The following ADAMTSL1 variants were observed in gnomAD, a reference collection of about 807,000 sequenced individuals.
The protein encoded by ADAMTSL1 is ADAMTS like 1.
In ADAMTSL1, 126 loss-of-function variants were observed where a neutral mutation model predicts 201.8. The observed-to-expected ratio is 0.62, with a 90% CI of 0.54 to 0.72. The LOEUF is 0.72. Ranked by LOEUF, ADAMTSL1 falls within the 30% of genes least tolerant of loss-of-function variation. The probability of loss-of-function intolerance (pLI) is 0.00; values close to 1 mark genes in which losing one functional copy is unlikely to be tolerated. For missense variants in ADAMTSL1, 2,679 were observed against 2,277.8 expected, an observed-to-expected ratio of 1.18 and a Z score of -3.59; for synonymous variants, 1,121 against 903.4, an observed-to-expected ratio of 1.24 and a Z score of -4.32.
At chr9:18,558,453 A>C (rs1395131441) in intron 3 of ADAMTSL1, among the ~76,000 whole-genome samples, 1 of 152,200 alleles carries the variant, frequency 6.6e-6, no homozygotes, top group Non-Finnish European at 1.5e-5. Flanking sequence ...TCTTGTGAAC[A>C]GTGCTGGAAT....
chr9:18,773,462 A>G (rs1422065992), intron 17 of ADAMTSL1, among the ~76,000 whole-genome samples: 1 of 152,238 alleles, frequency 6.6e-6, no homozygotes, highest in Non-Finnish European at 1.5e-5. Flanking sequence ...CCTATAGCCT[A>G]ATTACTTTGT....
At chr9:18,419,635 A>C (rs978323551) in intron 2 of ADAMTSL1, among the ~76,000 whole-genome samples, 5 of 152,200 alleles carry the variant, frequency 3.3e-5, no homozygotes, top group South Asian at 4.1e-4. Flanking sequence ...ACTGCTAGAC[A>C]CACTACATGT....
chr9:18,184,260 G>A (rs1033259697), intron 2 of ADAMTSL1, among the ~76,000 whole-genome samples: 1 of 152,180 alleles, frequency 6.6e-6, no homozygotes, highest in South Asian at 2.1e-4. Context: ...TATAACCTCT[G>A]CCTCGTGTAC....
At chr9:18,728,837 T>A (rs1371270563) in intron 15 of ADAMTSL1, among the ~76,000 whole-genome samples, 1 of 152,160 alleles carries the variant, frequency 6.6e-6, no homozygotes, top group East Asian at 1.9e-4. Flanking sequence ...CAAGTTAAGT[T>A]GTTTAGACTT....
At chr9:18,534,281 C>G (rs914969124) in intron 3 of ADAMTSL1, among the ~76,000 whole-genome samples, 1 of 152,064 alleles carries the variant, frequency 6.6e-6, no homozygotes, top group Non-Finnish European at 1.5e-5. Flanking sequence ...GTAGTCACAG[C>G]TACTCACGAG....
At position 18,889,735 on chromosome 9, in the gene ADAMTSL1, G is replaced by T; in HGVS notation, c.4630G>T (p.Asp1544Tyr). Residue 1544 changes from aspartate (D) to tyrosine (Y), a missense_variant, in exon 25 of 29, where the codon GAC (aspartate) becomes TAC (tyrosine). Physicochemically the swap from Asp to Tyr is radical, Grantham distance 160. Coordinates refer to ENST00000380548, the MANE Select transcript of ADAMTSL1 (RefSeq NM_001040272.6). Reference sequence around the variant, plus strand: ...GCAGCCCATCGCGTGCAACCGGAGAGACTGCCCTTCTCGGTGAGTGCAGCG... The same window carrying T: ...GCAGCCCATCGCGTGCAACCGGAGATACTGCCCTTCTCGGTGAGTGCAGCG... The part of the protein sequence containing the change: ...AVQPIACNRR[D>Y]CPSRWMVTSW... The T allele has an allele frequency of 1.3e-6, 2 of 1,507,718 alleles. No homozygotes were observed. 93.4% of individuals were successfully genotyped at this position (1,507,718 alleles called of 1,614,324 possible).
At chr9:18,110,906 A>G (rs1824979373) in intron 1 of ADAMTSL1, among the ~76,000 whole-genome samples, 1 of 152,172 alleles carries the variant, frequency 6.6e-6, no homozygotes, top group Non-Finnish European at 1.5e-5. Flanking sequence ...CGGGAACATT[A>G]TTAGTTTTTG....
In ADAMTSL1 at chr9:18,031,955, A is replaced by G. The variant is rs542612264; in HGVS notation, c.87+125033A>G. Among the ~76,000 whole-genome samples the G allele has an allele frequency of 1.2e-4, 19 of 152,314 alleles. No individual in the cohort carries two copies. In the South Asian group the frequency reaches 3.7e-3, roughly 30 times the overall value. ...GATGTGAAATTGGTATGGTGCCCAC[A>G]GCCCAGGGATTTTAGTCCAGCTGAT... On this transcript the variant is annotated intron_variant, in intron 1 of 29. Coordinates refer to the ADAMTSL1 transcript ENST00000680146.
chr9:18,392,603 C>G (rs1232344746), intron 2 of ADAMTSL1, among the ~76,000 whole-genome samples: 1 of 152,160 alleles, frequency 6.6e-6, no homozygotes, highest in Non-Finnish European at 1.5e-5. Context: ...ACATCCTTTC[C>G]AGGCTACCTG....
At chr9:18,449,918 C>T (rs977162962) in intron 2 of ADAMTSL1, among the ~76,000 whole-genome samples, 4 of 152,146 alleles carry the variant, frequency 2.6e-5, no homozygotes, top group Non-Finnish European at 5.9e-5. Flanking sequence ...TCTGACATGG[C>T]AGTGAGAATG....
intron 1 of ADAMTSL1, among the ~76,000 whole-genome samples, chr9:17,971,400 A>T (rs535712077): frequency 1.3e-5 from 2 of 152,202 alleles, no homozygotes; most frequent in African/African-American, 4.8e-5. Context: ...AAGTGCCTAA[A>T]AACTATCAAT....
chr9:18,624,433 G>C (rs1469897068), intron 5 of ADAMTSL1, among the ~76,000 whole-genome samples: 1 of 152,144 alleles, frequency 6.6e-6, no homozygotes, highest in Non-Finnish European at 1.5e-5. Flanking sequence ...ACTCTTCATG[G>C]AATGCTAAAA....
chr9:18,161,395 T>C (rs1332882629), intron 1 of ADAMTSL1, among the ~76,000 whole-genome samples: 3 of 152,086 alleles, frequency 2.0e-5, no homozygotes, highest in East Asian at 1.9e-4. Flanking sequence ...CTTTTAAGAA[T>C]TGGCATCGAA....
chr9:18,065,385 C>G (rs1255176199), intron 1 of ADAMTSL1, among the ~76,000 whole-genome samples: 2 of 152,146 alleles, frequency 1.3e-5, no homozygotes, highest in Non-Finnish European at 2.9e-5. Context: ...TGTTTCATTA[C>G]TCTCTTCTCA....
At chr9:18,544,408 G>A (rs539961142) in intron 3 of ADAMTSL1, among the ~76,000 whole-genome samples, 34 of 152,164 alleles carry the variant, frequency 2.2e-4, no homozygotes, top group African/African-American at 5.8e-4. Flanking sequence ...AAATTGTTAG[G>A]GAACATATGA....
chr9:18,861,417 G>A (rs1337985073), intron 23 of ADAMTSL1, among the ~76,000 whole-genome samples: 1 of 152,184 alleles, frequency 6.6e-6, no homozygotes, highest in African/African-American at 2.4e-5. Flanking sequence ...GGAAAGGTCA[G>A]AATTGGACCC....
At chr9:18,433,134 A>G (rs540068622) in intron 2 of ADAMTSL1, among the ~76,000 whole-genome samples, 10 of 152,284 alleles carry the variant, frequency 6.6e-5, no homozygotes, top group African/African-American at 2.4e-4. Context: ...ATGTGAATAG[A>G]TGAGTAGGCT....
chr9:18,363,665 C>G (rs185683466), intron 2 of ADAMTSL1, among the ~76,000 whole-genome samples: 2 of 152,160 alleles, frequency 1.3e-5, no homozygotes, highest in African/African-American at 4.8e-5. Flanking sequence ...TATGGTGAGT[C>G]CATGATATAT....
chr9:18,074,521 T>TTTC (rs1458809196), intron 1 of ADAMTSL1, among the ~76,000 whole-genome samples: 29 of 141,568 alleles, frequency 2.0e-4, no homozygotes, highest in African/African-American at 7.8e-4. Flanking sequence ...CTTCTTTTCT[T>TTTC]TTCTTTTCTT....
Sources: gnomAD v4.1 joint callset for allele counts (sites outside exome capture counted in the v4.1 genomes callset) on GRCh38, gnomAD v4.1.1 for gene constraint, MANE v1.5 for transcripts, NCBI Gene and HGNC (gene_info 2026-07-23, HGNC 2026-07-21) for gene names.